The following ADGRL2 variants were observed in gnomAD, a reference collection of about 807,000 sequenced individuals.
ADGRL2 encodes the protein adhesion G protein-coupled receptor L2.
ADGRL2 carries 44 observed loss-of-function variants against 157.4 expected under a neutral mutation model. That is an observed-to-expected ratio of 0.28 (90% CI 0.22 to 0.36). The LOEUF (loss-of-function observed/expected upper bound fraction) is 0.36, where lower values mean the gene tolerates loss of function less well. Ranked by LOEUF, ADGRL2 falls within the 10% of genes least tolerant of loss-of-function variation. The probability of loss-of-function intolerance (pLI) is 1.00; values close to 1 mark genes in which losing one functional copy is unlikely to be tolerated. For missense variants in ADGRL2, 1,510 were observed against 1,768.9 expected (o/e 0.85, Z 2.63); for synonymous variants, 585 against 624.7 (o/e 0.94, Z 0.95).
chr1:81,958,704 T>C lies in ADGRL2; in HGVS notation c.2017+2644T>C, dbSNP rs530855663. ...TGTATAGTTTGATGGAGTATGGCAGTTGTACACTCTTATGATCATCAGCAT... is the reference window on the plus strand; with the variant it reads ...TGTATAGTTTGATGGAGTATGGCAGCTGTACACTCTTATGATCATCAGCAT... On this transcript the variant is annotated intron_variant, in intron 11 of 23. Coordinates refer to ENST00000686636, the MANE Select transcript of ADGRL2 (RefSeq NM_001366006.2). 6.6e-5 allele frequency among the ~76,000 whole-genome samples: 10 copies of C among 152,298 alleles called. No homozygotes were observed. The South Asian group carries it at 2.1e-3, about 32-fold the overall frequency.
intron 1 of ADGRL2, among the ~76,000 whole-genome samples, chr1:81,828,886 G>A (rs954417111): frequency 7.9e-5 from 12 of 151,264 alleles, no homozygotes; most frequent in African/African-American, 1.9e-4. Context: ...TTTTCTTACC[G>A]TCTCATCTAA....
At position 81,950,459 on chromosome 1, in the gene ADGRL2, G is replaced by A. The variant is rs765710656; in HGVS notation, c.1481G>A (p.Arg494Gln). The A allele has an allele frequency of 1.5e-5, 24 of 1,613,764 alleles. No homozygotes were observed. The highest frequency in any genetic ancestry group is 1.9e-5 in the Non-Finnish European group (23 of 1,179,812). ...ACACAAAGGGGAATGATGGTTGAAC[G>A]ACCATGCCCTAAGGGAACAAGAGGT... is the stretch of plus-strand genomic sequence containing the variant. ...PQTQRGMMVE[R>Q]PCPKGTRGTA... The change falls in exon 7 of 24, where the codon CGA becomes CAA. Residue 494 changes from arginine (R) to glutamine (Q), a missense_variant. By Grantham distance (43) the Arg-to-Gln change is conservative. Coordinates refer to ENST00000686636, the MANE Select transcript of ADGRL2 (RefSeq NM_001366006.2).
chr1:81,405,612 C>T (rs1296199602), intron 1 of ADGRL2, among the ~76,000 whole-genome samples: 6 of 146,734 alleles, frequency 4.1e-5, no homozygotes, highest in Middle Eastern at 7.0e-3. Context: ...ATTATACCAC[C>T]GCACTCCAGC....
intron 1 of ADGRL2, among the ~76,000 whole-genome samples, chr1:81,807,506 T>G (rs1571332338): frequency 7.7e-6 from 1 of 129,464 alleles, no homozygotes; most frequent in South Asian, 3.2e-4. Context: ...CTGCCTAAGA[T>G]GCTCTCAAAG....
intron 2 of ADGRL2, among the ~76,000 whole-genome samples, chr1:81,465,383 A>G (rs189587709): frequency 2.0e-5 from 3 of 152,266 alleles, no homozygotes; most frequent in Admixed American, 1.3e-4. Flanking sequence ...TTTTTTCACT[A>G]TAAGATAATA....
intron 1 of ADGRL2, among the ~76,000 whole-genome samples, chr1:81,704,667 A>G (rs924187438): frequency 2.0e-5 from 3 of 152,212 alleles, no homozygotes; most frequent in African/African-American, 7.2e-5. Flanking sequence ...CTTGTTGACC[A>G]GGTAAAACAG....
chr1:81,581,651 G>C (rs2080912188), intron 3 of ADGRL2, among the ~76,000 whole-genome samples: 1 of 152,066 alleles, frequency 6.6e-6, no homozygotes, highest in Non-Finnish European at 1.5e-5. Flanking sequence ...TGTTTCTGAG[G>C]AAAGCACAAT....
chr1:81,502,764 C>G (rs2078881760), intron 2 of ADGRL2: 1 of 1,613,290 alleles, frequency 6.2e-7, no homozygotes, highest in South Asian at 1.1e-5. Context: ...GCAGGGAGAG[C>G]CGGCGGCCCA....
intron 2 of ADGRL2, among the ~76,000 whole-genome samples, chr1:81,572,790 C>G (rs971966271): frequency 6.6e-6 from 1 of 151,866 alleles, no homozygotes; most frequent in African/African-American, 2.4e-5. Flanking sequence ...CACTGTAGAA[C>G]TTTTCAGCAC....
At chr1:81,630,126 G>T (rs2081985299) in intron 3 of ADGRL2, among the ~76,000 whole-genome samples, 1 of 151,982 alleles carries the variant, frequency 6.6e-6, no homozygotes, top group Non-Finnish European at 1.5e-5. Context: ...TTTCCTAGAA[G>T]CAGAGCTGAG....
intron 1 of ADGRL2, among the ~76,000 whole-genome samples, chr1:81,385,282 C>T (rs2076415763): frequency 1.3e-5 from 2 of 152,026 alleles, no homozygotes; most frequent in African/African-American, 4.8e-5. Flanking sequence ...ATCATAAAGC[C>T]ATGTGAATAT....
intron 3 of ADGRL2, among the ~76,000 whole-genome samples, chr1:81,594,683 G>A (rs1016930279): frequency 2.6e-5 from 4 of 152,138 alleles, no homozygotes; most frequent in Non-Finnish European, 5.9e-5. Flanking sequence ...CCTATTACGT[G>A]TCTTCTTGAC....
Position 81,942,065 on chromosome 1 carries a change from A to G in ADGRL2, c.409+20A>G. Reference sequence around the variant, plus strand: ...AAAAAGGTAAATAACATACAGTCTGAACCCCAGCTCCCTGTTATGTGCCTT... The same window carrying G: ...AAAAAGGTAAATAACATACAGTCTGGACCCCAGCTCCCTGTTATGTGCCTT... On this transcript the variant is annotated intron_variant, in intron 5 of 23. Coordinates refer to ENST00000686636, the MANE Select transcript of ADGRL2 (RefSeq NM_001366006.2). The G allele has an allele frequency of 1.3e-6, 1 of 767,734 alleles. No homozygotes were observed. The highest frequency in any genetic ancestry group is 2.4e-6 in the Non-Finnish European group (1 of 411,650). The allele number at this position is 767,734 out of a possible 1,614,324, so 47.6% of individuals were successfully genotyped here.
intron 2 of ADGRL2, among the ~76,000 whole-genome samples, chr1:81,546,735 C>T (rs1003667008): frequency 2.0e-5 from 3 of 152,246 alleles, no homozygotes; most frequent in Non-Finnish European, 2.9e-5. Context: ...GTCAGATTTC[C>T]GGCCTCTCCA....
At chr1:81,503,119 G>GAGC in intron 2 of ADGRL2, 1 of 1,613,250 alleles carries the variant, frequency 6.2e-7, no homozygotes, top group Non-Finnish European at 8.5e-7. Flanking sequence ...GTCTGAGGAG[G>GAGC]AGCAGCGCCT....
At chr1:81,792,719 A>T (rs1400834412) in intron 2 of ADGRL2, among the ~76,000 whole-genome samples, 1 of 152,106 alleles carries the variant, frequency 6.6e-6, no homozygotes, top group Non-Finnish European at 1.5e-5. Context: ...TGATATTTAT[A>T]TCAACATTTC....
intron 2 of ADGRL2, among the ~76,000 whole-genome samples, chr1:81,470,210 G>C (rs2078142711): frequency 6.6e-6 from 1 of 152,190 alleles, no homozygotes; most frequent in African/African-American, 2.4e-5. Context: ...ATCTATAACT[G>C]TTCTGTTTTT....
chr1:81,658,493 G>A (rs2082583257), intron 3 of ADGRL2, among the ~76,000 whole-genome samples: 1 of 152,098 alleles, frequency 6.6e-6, no homozygotes. Context: ...TGAAATCTGG[G>A]CTTTAGGCAT....
chr1:81,864,753 G>C (rs900870531), intron 2 of ADGRL2, among the ~76,000 whole-genome samples: 2 of 152,246 alleles, frequency 1.3e-5, no homozygotes, highest in East Asian at 1.9e-4. Flanking sequence ...CCGGAGATCA[G>C]AAGTTTGAGA....
Sources: gnomAD v4.1 joint callset for allele counts (sites outside exome capture counted in the v4.1 genomes callset) on GRCh38, gnomAD v4.1.1 for gene constraint, MANE v1.5 for transcripts, NCBI Gene and HGNC (gene_info 2026-07-23, HGNC 2026-07-21) for gene names.